TMX4: variants seen among roughly 807,000 people sequenced by gnomAD.
The protein encoded by TMX4 is thioredoxin-related transmembrane protein 4.
TMX4 carries 23 observed loss-of-function variants against 33.3 expected under a neutral mutation model. That is an observed-to-expected ratio of 0.69 (90% CI 0.50 to 0.98). The LOEUF is 0.98. Ranked by LOEUF, TMX4 falls within the 50% of genes least tolerant of loss-of-function variation. The pLI is 0.00. For synonymous variants in TMX4, 164 were observed against 161.5 expected, an observed-to-expected ratio of 1.02 and a Z score of -0.12; for missense variants, 399 against 448.9, an observed-to-expected ratio of 0.89 and a Z score of 1.01.
At chr20:8,008,337 G>T (rs1350307984) in intron 2 of TMX4, among the ~76,000 whole-genome samples, 1 of 151,886 alleles carries the variant, frequency 6.6e-6, no homozygotes, top group Non-Finnish European at 1.5e-5. Context: ...TATTCCTACA[G>T]AATACCAGAA....
intron 5 of TMX4, among the ~76,000 whole-genome samples, chr20:7,994,506 T>G (rs1291665983): frequency 6.6e-6 from 1 of 152,210 alleles, no homozygotes; most frequent in Non-Finnish European, 1.5e-5. Flanking sequence ...AAGCTCCAAA[T>G]TACAAGCTAT....
intron 3 of TMX4, among the ~76,000 whole-genome samples, chr20:8,000,907 G>C (rs1410686932): frequency 2.0e-5 from 3 of 152,246 alleles, no homozygotes; most frequent in Middle Eastern, 3.4e-3. Context: ...CATGAAGGCA[G>C]GCAATAGCTT....
chr20:7,987,629 G>C (rs1375909350), intron 5 of TMX4, among the ~76,000 whole-genome samples: 1 of 152,094 alleles, frequency 6.6e-6, no homozygotes, highest in East Asian at 1.9e-4. Flanking sequence ...AATTCTGGTA[G>C]AATCGTTTTG....
At chr20:8,018,274 G>A (rs112865722) in intron 1 of TMX4, among the ~76,000 whole-genome samples, 23 of 118,004 alleles carry the variant, frequency 1.9e-4, no homozygotes, top group African/African-American at 6.7e-4. Flanking sequence ...GGTGGGGGCG[G>A]GAGGGGGGCA....
chr20:8,004,368 T>C (rs111252021), intron 2 of TMX4, among the ~76,000 whole-genome samples: 1 of 152,208 alleles, frequency 6.6e-6, no homozygotes, highest in Non-Finnish European at 1.5e-5. Flanking sequence ...TTGAACATCA[T>C]AATAGCAGCT....
chr20:7,982,486 T>C lies in TMX4; in HGVS notation c.815A>G (p.Asp272Gly), dbSNP rs1438312274. 6.2e-7 allele frequency: 1 copy of C among 1,613,996 alleles called. No homozygotes were observed. Among genetic ancestry groups the C allele is most frequent in the East Asian group, 2.2e-5 (1 of 44,842 alleles). Residue 272 changes from aspartate (D) to glycine (G), a missense_variant, in exon 8 of 8, where the codon GAT becomes GGT. Transcript: ENST00000246024. ...DDEEEKEDLG[D>G]EDEAEEEEEE... Reference sequence around the variant, plus strand: ...CTCTTCTTCCTCTGCTTCATCCTCATCGCCAAGATCTTCTTTCTCTTCTTC... The same window carrying C: ...CTCTTCTTCCTCTGCTTCATCCTCACCGCCAAGATCTTCTTTCTCTTCTTC...
At chr20:8,012,473 A>T (rs911792272) in intron 1 of TMX4, among the ~76,000 whole-genome samples, 1 of 152,152 alleles carries the variant, frequency 6.6e-6, no homozygotes, top group African/African-American at 2.4e-5. Flanking sequence ...TGTGCTTAAG[A>T]CCACTCAGAG....
chr20:7,990,923 T>C (rs2050651705), intron 5 of TMX4, among the ~76,000 whole-genome samples: 1 of 152,230 alleles, frequency 6.6e-6, no homozygotes, highest in South Asian at 2.1e-4. Context: ...AAAGGTACCT[T>C]ACAGATGTGC....
chr20:7,984,218 C>A (rs748634925), intron 6 of TMX4, among the ~76,000 whole-genome samples: 59 of 152,186 alleles, frequency 3.9e-4, no homozygotes, highest in Non-Finnish European at 8.8e-5. Flanking sequence ...AACGGGTAAC[C>A]CCTGATTGAA....
intron 1 of TMX4, among the ~76,000 whole-genome samples, chr20:8,012,612 T>G (rs1219481119): frequency 6.6e-6 from 1 of 151,176 alleles, no homozygotes; most frequent in African/African-American, 2.4e-5. Context: ...TATAATATAA[T>G]ATAATGAACT....
At chr20:8,001,284 C>T (rs911970265) in intron 3 of TMX4, among the ~76,000 whole-genome samples, 2 of 152,162 alleles carry the variant, frequency 1.3e-5, no homozygotes, top group African/African-American at 2.4e-5. Context: ...TCTCTGACTT[C>T]TCCTGCCCAC....
Position 8,019,719 on chromosome 20 carries a change from G to A in TMX4, c.-106C>T. 1.2e-5 allele frequency: 12 copies of A among 1,003,576 alleles called. No individual in the cohort carries two copies. Among genetic ancestry groups the A allele is most frequent in the Non-Finnish European group, 1.4e-5 (11 of 768,790 alleles). The allele number at this position is 1,003,576 out of a possible 1,614,324, so 62.2% of individuals were successfully genotyped here. Reference sequence around the variant, plus strand: ...TTTTTCAAGGAAGCGGGAGACGCAAGGGCCACCCCGCCTACGCCTAGCGGC... The same window carrying A: ...TTTTTCAAGGAAGCGGGAGACGCAAAGGCCACCCCGCCTACGCCTAGCGGC... On this transcript the variant is annotated 5_prime_UTR_variant, in exon 1 of 8. Transcript: ENST00000246024.
intron 2 of TMX4, among the ~76,000 whole-genome samples, chr20:8,003,410 C>T (rs2050715440): frequency 1.3e-5 from 2 of 152,082 alleles, no homozygotes; most frequent in African/African-American, 2.4e-5. Context: ...TTAGGTATCA[C>T]TTAAAGTGAT....
chr20:8,011,156 T>C (rs958146735), intron 1 of TMX4, among the ~76,000 whole-genome samples: 3 of 152,142 alleles, frequency 2.0e-5, no homozygotes, highest in African/African-American at 7.2e-5. Context: ...CTGAGCATTT[T>C]TAAAATGCCA....
chr20:7,985,275 A>ATT (rs765629650), intron 6 of TMX4, among the ~76,000 whole-genome samples: 13 of 96,508 alleles, frequency 1.3e-4, no homozygotes, highest in African/African-American at 5.5e-4. Context: ...ATATATATAT[A>ATT]TATTTTTTTT....
intron 2 of TMX4, among the ~76,000 whole-genome samples, chr20:8,002,163 G>A (rs998110784): frequency 6.6e-6 from 1 of 152,110 alleles, no homozygotes; most frequent in African/African-American, 2.4e-5. Context: ...TGAACACTAA[G>A]TACATATCAA....
intron 5 of TMX4, among the ~76,000 whole-genome samples, chr20:7,992,421 A>C (rs1259077429): frequency 6.6e-6 from 1 of 152,220 alleles, no homozygotes. Flanking sequence ...AAATTTAGTG[A>C]TGGAAAGAAC....
chr20:7,994,179 C>A (rs563132085), intron 5 of TMX4, among the ~76,000 whole-genome samples: 21 of 152,012 alleles, frequency 1.4e-4, no homozygotes, highest in Non-Finnish European at 4.4e-5. Flanking sequence ...ATAAAATGAT[C>A]ATTTTTGGTT....
chr20:7,978,673 T>C lies in TMX4; in HGVS notation c.*3578A>G, dbSNP rs2050591936. ...CTGTGGCTAACAGACAGGGATTCCA[T>C]GCACAAGAGCTTTTAAGTATGTGCC... On this transcript the variant is annotated 3_prime_UTR_variant, in exon 8 of 8. Coordinates refer to ENST00000246024, the MANE Select transcript of TMX4 (RefSeq NM_021156.4). 1 of 152,238 alleles carries C rather than the reference T, an allele frequency of 6.6e-6. No homozygotes were observed. The highest frequency in any genetic ancestry group is 1.5e-5 in the Non-Finnish European group (1 of 68,048). 9.4% of individuals were successfully genotyped at this position (152,238 alleles called of 1,614,324 possible).
Sources: gnomAD v4.1 joint callset for allele counts (sites outside exome capture counted in the v4.1 genomes callset) on GRCh38, gnomAD v4.1.1 for gene constraint, MANE v1.5 for transcripts, NCBI Gene and HGNC (gene_info 2026-07-23, HGNC 2026-07-21) for gene names.